The following VWA3B variants were observed in gnomAD, a reference collection of about 807,000 sequenced individuals.
The protein encoded by VWA3B is von Willebrand factor A domain containing 3B.
In VWA3B, 138 loss-of-function variants were observed where a neutral mutation model predicts 158.3. The observed-to-expected ratio is 0.87, with a 90% CI of 0.76 to 1.00. The LOEUF is 1.00. VWA3B is among the 50% of genes least tolerant of loss of function. The probability of loss-of-function intolerance (pLI) is 0.00; values close to 1 mark genes in which losing one functional copy is unlikely to be tolerated. For missense variants in VWA3B, 1,555 were observed against 1,565.1 expected, an observed-to-expected ratio of 0.99 and a Z score of 0.11; for synonymous variants, 596 against 587.3, an observed-to-expected ratio of 1.01 and a Z score of -0.21.
chr2:98,118,507 G>A (rs1017139523), intron 3 of VWA3B, among the ~76,000 whole-genome samples: 6 of 152,126 alleles, frequency 3.9e-5, no homozygotes, highest in East Asian at 1.9e-4. Flanking sequence ...CTTCAAACAC[G>A]GGGCTTGCAA....
chr2:98,203,759 T>C (rs533935244), intron 12 of VWA3B, among the ~76,000 whole-genome samples: 7 of 152,248 alleles, frequency 4.6e-5, no homozygotes, highest in Non-Finnish European at 8.8e-5. Context: ...TTGGTTTTCA[T>C]GTGTGGACTT....
At chr2:98,297,559 G>A (rs1269417089) in intron 23 of VWA3B, among the ~76,000 whole-genome samples, 2 of 152,178 alleles carry the variant, frequency 1.3e-5, no homozygotes, top group African/African-American at 2.4e-5. Flanking sequence ...TAGGGCTAAA[G>A]TAAATGAAAA....
intron 21 of VWA3B, among the ~76,000 whole-genome samples, chr2:98,256,778 A>G (rs1340590744): frequency 6.6e-6 from 1 of 152,150 alleles, no homozygotes; most frequent in East Asian, 1.9e-4. Flanking sequence ...GTTTTTCCAC[A>G]GTGGCTATGC....
chr2:98,234,533 G>A, intron 16 of VWA3B, 115 bp from the exon 17 acceptor site: 1 of 1,468,392 alleles, frequency 6.8e-7, no homozygotes, highest in Non-Finnish European at 9.2e-7. Context: ...TCCTCAGAGG[G>A]TTGGGAAACA....
the VWA3B span, among the ~76,000 whole-genome samples, chr2:98,325,737 T>C: frequency 3.3e-5 from 5 of 152,322 alleles, no homozygotes; most frequent in Middle Eastern, 3.4e-3. Flanking sequence ...TGAATGGACA[T>C]ACATGGTTGC....
At chr2:98,139,062 G>A (rs1276615152) in intron 7 of VWA3B, among the ~76,000 whole-genome samples, 2 of 152,196 alleles carry the variant, frequency 1.3e-5, no homozygotes, top group South Asian at 2.1e-4. Context: ...CTGGAGTTCC[G>A]GGTGGCTGTG....
chr2:98,320,231 G>A, the VWA3B span, among the ~76,000 whole-genome samples: 1 of 152,268 alleles, frequency 6.6e-6, no homozygotes, highest in African/African-American at 2.4e-5. Flanking sequence ...GTAAGTCATG[G>A]CTTTCCTCCT....
intron 9 of VWA3B, among the ~76,000 whole-genome samples, chr2:98,185,347 G>A (rs112114384): frequency 3.9e-5 from 6 of 152,158 alleles, no homozygotes; most frequent in African/African-American, 1.4e-4. Flanking sequence ...CACTCACCTG[G>A]CAAAACCCCA....
intron 22 of VWA3B, among the ~76,000 whole-genome samples, 177 bp downstream of exon 22, chr2:98,271,060 C>T (rs750407505): frequency 2.6e-5 from 4 of 151,528 alleles, no homozygotes; most frequent in African/African-American, 4.9e-5. Flanking sequence ...AAATGCCATT[C>T]GATTGTACTA....
intron 9 of VWA3B, among the ~76,000 whole-genome samples, chr2:98,185,197 GGTT>G (rs905247165): frequency 5.3e-5 from 8 of 152,072 alleles, no homozygotes; most frequent in African/African-American, 1.5e-4. Context: ...GTCATCTGTA[GGTT>G]GTTTATTCTC....
At chr2:98,214,470 T>C (rs1000964365) in intron 13 of VWA3B, among the ~76,000 whole-genome samples, 1 of 152,210 alleles carries the variant, frequency 6.6e-6, no homozygotes, top group Non-Finnish European at 1.5e-5. Flanking sequence ...TAGAAAAGCA[T>C]AGGTAGAGAA....
rs148851026 is a variant in VWA3B at position 98,099,851 on chromosome 2, C to G, written c.196+6563C>G. On this transcript the variant is annotated intron_variant, in intron 2 of 27. Coordinates refer to ENST00000477737, the MANE Select transcript of VWA3B (RefSeq NM_144992.5). ...CTTGTTCAATTCAGCTGTTGATACT[C>G]CCTATTGCATTTTTCTTTGTGTTCA... Among the ~76,000 whole-genome samples the G allele has an allele frequency of 1.1e-3, 160 of 152,152 alleles. 2 individuals carry two copies. Among genetic ancestry groups the G allele is most frequent in the Non-Finnish European group, 1.8e-3 (124 of 68,008 alleles).
intron 22 of VWA3B, among the ~76,000 whole-genome samples, chr2:98,277,903 C>T (rs576038872): frequency 2.0e-4 from 31 of 151,998 alleles, no homozygotes; most frequent in Non-Finnish European, 3.4e-4. Context: ...AGAATATATA[C>T]GGCTGTTATC....
chr2:98,255,600 C>G (rs1687083665), intron 20 of VWA3B, among the ~76,000 whole-genome samples: 1 of 152,078 alleles, frequency 6.6e-6, no homozygotes, highest in Non-Finnish European at 1.5e-5. Flanking sequence ...CGCCAGCCAG[C>G]AGCTGTGGGT....
chr2:98,142,301 C>T lies in VWA3B; in HGVS notation c.988+8362C>T, dbSNP rs1225562959. On this transcript the variant is annotated intron_variant, in intron 7 of 27. Coordinates refer to ENST00000477737, the MANE Select transcript of VWA3B (RefSeq NM_144992.5). ...CCCTGGATTCCCCCCATGCAGGCTTCCTCCCAGGGTGCTGCAAAGAACTGA... is the reference window on the plus strand; with the variant it reads ...CCCTGGATTCCCCCCATGCAGGCTTTCTCCCAGGGTGCTGCAAAGAACTGA... Among the ~76,000 whole-genome samples the T allele has an allele frequency of 3.3e-5, 5 of 152,172 alleles. No individual in the cohort carries two copies. In the South Asian group the frequency reaches 8.3e-4, roughly 25 times the overall value.
chr2:98,209,203 G>A (rs1683283076), intron 12 of VWA3B, among the ~76,000 whole-genome samples: 1 of 151,832 alleles, frequency 6.6e-6, no homozygotes, highest in African/African-American at 2.4e-5. Context: ...GGCTTTCTTT[G>A]GTTTTATCCT....
At chr2:98,320,827 T>C in the VWA3B span, among the ~76,000 whole-genome samples, 50 of 152,320 alleles carry the variant, frequency 3.3e-4, no homozygotes, top group East Asian at 5.2e-3. Context: ...AACGCCATTT[T>C]CTGGGGAGAA....
chr2:98,235,152 A>G (rs972914634), intron 17 of VWA3B, among the ~76,000 whole-genome samples: 1 of 152,198 alleles, frequency 6.6e-6, no homozygotes, highest in African/African-American at 2.4e-5. Flanking sequence ...ACTGCATATG[A>G]GGAAAATGTG....
At chr2:98,191,085 C>T (rs1436144087) in intron 10 of VWA3B, among the ~76,000 whole-genome samples, 2 of 151,990 alleles carry the variant, frequency 1.3e-5, no homozygotes, top group Non-Finnish European at 2.9e-5. Flanking sequence ...TTTGCTTTGT[C>T]TTTTGTTCCC....
Sources: gnomAD v4.1 joint callset for allele counts (sites outside exome capture counted in the v4.1 genomes callset) on GRCh38, gnomAD v4.1.1 for gene constraint, MANE v1.5 for transcripts, NCBI Gene and HGNC (gene_info 2026-07-23, HGNC 2026-07-21) for gene names.